The following MLLT10 variants were observed in gnomAD, a reference collection of about 807,000 sequenced individuals.
MLLT10 encodes the protein MLLT10 histone lysine methyltransferase DOT1L cofactor, also known as protein AF-10.
A neutral mutation model predicts 129.1 loss-of-function variants in MLLT10; 30 were observed. That is an observed-to-expected ratio of 0.23 (90% CI 0.17 to 0.32). The LOEUF is 0.32. MLLT10 is among the 10% of genes least tolerant of loss of function. The probability of loss-of-function intolerance (pLI) is 1.00; values close to 1 mark genes in which losing one functional copy is unlikely to be tolerated. For missense variants in MLLT10, 1,119 were observed against 1,268.3 expected (o/e 0.88, Z 1.79); for synonymous variants, 490 against 446.4 (o/e 1.10, Z -1.23).
intron 4 of MLLT10, among the ~76,000 whole-genome samples, chr10:21,589,501 C>T (rs1180060011): frequency 6.6e-6 from 1 of 151,936 alleles, no homozygotes; most frequent in Non-Finnish European, 1.5e-5. Flanking sequence ...GTAAACCTTC[C>T]ATCTTATTAA....
intron 13 of MLLT10, among the ~76,000 whole-genome samples, chr10:21,688,219 A>G (rs534296979): frequency 6.6e-6 from 1 of 152,344 alleles, no homozygotes; most frequent in African/African-American, 2.4e-5. Context: ...GTGGAAGCTG[A>G]AAAGTTCCAA....
chr10:21,687,564 G>C (rs927353806), intron 13 of MLLT10, among the ~76,000 whole-genome samples: 3 of 152,048 alleles, frequency 2.0e-5, no homozygotes, highest in African/African-American at 7.2e-5. Flanking sequence ...TGTTCTTTAT[G>C]CTTATACAGT....
chr10:21,586,602 T>G (rs917506239), intron 4 of MLLT10, among the ~76,000 whole-genome samples: 8 of 152,164 alleles, frequency 5.3e-5, no homozygotes, highest in Non-Finnish European at 8.8e-5. Context: ...ATTCTTATGT[T>G]TTTGGCTGGG....
chr10:21,582,203 A>T (rs535577682), intron 3 of MLLT10, among the ~76,000 whole-genome samples: 188 of 151,700 alleles, frequency 1.2e-3, no homozygotes, highest in Middle Eastern at 0.01. Context: ...GGCTCACTGC[A>T]GTCTCCTAGG....
intron 3 of MLLT10, chr10:21,571,985 C>T (rs1048911028): frequency 1.3e-5 from 2 of 152,196 alleles, no homozygotes; most frequent in African/African-American, 4.8e-5. Context: ...TTATTGCTTA[C>T]TGTGAGCTAA....
intron 1 of MLLT10, 32 bp downstream of exon 1, chr10:21,534,552 G>A: frequency 7.3e-7 from 1 of 1,375,324 alleles, no homozygotes; most frequent in Non-Finnish European, 9.7e-7. Context: ...GGGCCGGGCG[G>A]GGGGCGCCGG....
intron 21 of MLLT10, chr10:21,738,595 G>A (rs535784618): frequency 3.7e-5 from 45 of 1,214,606 alleles, no homozygotes; most frequent in South Asian, 2.8e-4. Context: ...CACAGCTTCC[G>A]CTCGACACTC....
intron 14 of MLLT10, among the ~76,000 whole-genome samples, chr10:21,717,699 T>C (rs2056776984): frequency 1.0e-5 from 1 of 100,290 alleles, no homozygotes; most frequent in African/African-American, 5.2e-5. Flanking sequence ...CTCCTCCTCC[T>C]CTTCCTCCTC....
At chr10:21,603,497 G>A (rs114847660) in intron 5 of MLLT10, among the ~76,000 whole-genome samples, 24 of 151,868 alleles carry the variant, frequency 1.6e-4, no homozygotes, top group Admixed American at 4.6e-4. Context: ...TATAACATTC[G>A]TTTATTAAGA....
chr10:21,579,557 A>T (rs1589050355), intron 3 of MLLT10, among the ~76,000 whole-genome samples: 2 of 141,228 alleles, frequency 1.4e-5, no homozygotes. Flanking sequence ...CCTCTTTCAG[A>T]TTAGATTCTT....
intron 13 of MLLT10, among the ~76,000 whole-genome samples, chr10:21,704,022 T>TTTG (rs1031330379): frequency 3.0e-5 from 4 of 132,356 alleles, no homozygotes; most frequent in Non-Finnish European, 3.2e-5. Flanking sequence ...TTTTGTTTTT[T>TTTG]TTTTTTTTTT....
chr10:21,695,011 C>T (rs918571213), intron 13 of MLLT10, among the ~76,000 whole-genome samples: 14 of 151,840 alleles, frequency 9.2e-5, no homozygotes, highest in East Asian at 1.9e-4. Flanking sequence ...CGCCTTCTGC[C>T]GCATCTCTCA....
Position 21,727,879 on chromosome 10 carries a change from C to A in MLLT10, c.2014C>A (p.Arg672Ser), listed in dbSNP as rs148827631. Reference sequence around the variant, plus strand: ...AGATCAAGATCTTGGAGACAATAGCCGCAACCTAGTTGGCAGAGGAAGCTC... The same window carrying A: ...AGATCAAGATCTTGGAGACAATAGCAGCAACCTAGTTGGCAGAGGAAGCTC... ...QTDQDLGDNSRNLVGRGSSPR... is the reference protein window; with the variant it reads ...QTDQDLGDNSSNLVGRGSSPR... Residue 672 changes from arginine to serine, a missense_variant, in exon 16 of 23, where the codon CGC (arginine) becomes AGC (serine). Coordinates refer to ENST00000307729, the MANE Select transcript of MLLT10 (RefSeq NM_001195626.3). The A allele has an allele frequency of 6.2e-6, 10 of 1,613,838 alleles. No individual in the cohort carries two copies. Among genetic ancestry groups the A allele is most frequent in the Non-Finnish European group, 8.5e-6 (10 of 1,179,928 alleles).
chr10:21,639,127 T>C (rs970179335), intron 8 of MLLT10, among the ~76,000 whole-genome samples: 2 of 152,314 alleles, frequency 1.3e-5, no homozygotes, highest in East Asian at 1.9e-4. Context: ...ATCACCAAAC[T>C]GTCAAGAACT....
chr10:21,646,633 T>C (rs2048505638), intron 8 of MLLT10, among the ~76,000 whole-genome samples: 1 of 152,168 alleles, frequency 6.6e-6, no homozygotes, highest in South Asian at 2.1e-4. Flanking sequence ...ATTCATAAAA[T>C]ATAAACTTTT....
chr10:21,732,628 G>A (rs1448449153), intron 17 of MLLT10, among the ~76,000 whole-genome samples: 1 of 152,180 alleles, frequency 6.6e-6, no homozygotes, highest in Non-Finnish European at 1.5e-5. Context: ...AAAATTACCT[G>A]AAGCTGGTGT....
intron 8 of MLLT10, among the ~76,000 whole-genome samples, chr10:21,621,159 ATTT>A (rs1180864625): frequency 3.7e-5 from 3 of 81,912 alleles, no homozygotes; most frequent in Admixed American, 1.3e-4. Context: ...AATTTTTTGT[ATTT>A]TTTTTTTTTT....
chr10:21,666,008 G>T (rs891215651), intron 9 of MLLT10, among the ~76,000 whole-genome samples: 8 of 152,126 alleles, frequency 5.3e-5, no homozygotes, highest in African/African-American at 1.4e-4. Context: ...CCTCTGTGTA[G>T]TTGCATTTTA....
chr10:21,647,680 T>C (rs977447010), intron 8 of MLLT10, among the ~76,000 whole-genome samples: 2 of 143,660 alleles, frequency 1.4e-5, no homozygotes, highest in African/African-American at 2.5e-5. Context: ...TGTTGCTGTT[T>C]ACTGGCTCTT....
Sources: allele counts gnomAD v4.1 joint callset (sites outside exome capture counted in the v4.1 genomes callset), GRCh38; gene constraint gnomAD v4.1.1; transcripts MANE v1.5; gene names NCBI Gene and HGNC (gene_info 2026-07-23, HGNC 2026-07-21).